Variants in TLK1 observed in about 807,000 individuals in gnomAD.
The protein encoded by TLK1 is tousled like kinase 1, also known as serine/threonine-protein kinase tousled-like 1.
In TLK1, 24 loss-of-function variants were observed where a neutral mutation model predicts 105.3. The observed-to-expected ratio is 0.23, with a 90% CI of 0.17 to 0.32. TLK1 has a LOEUF of 0.32. TLK1 is among the 10% of genes least tolerant of loss of function. The probability of loss-of-function intolerance (pLI) is 1.00; values close to 1 mark genes in which losing one functional copy is unlikely to be tolerated. For synonymous variants in TLK1, 321 were observed against 310.4 expected (o/e 1.03, Z -0.36); for missense variants, 558 against 910.5 (o/e 0.61, Z 4.98).
intron 14 of TLK1, among the ~76,000 whole-genome samples, chr2:171,007,717 T>C (rs1684712968): frequency 1.3e-5 from 2 of 152,204 alleles, no homozygotes; most frequent in South Asian, 4.1e-4. Flanking sequence ...AATACATTAT[T>C]TCTCCCAGTA....
At chr2:171,147,340 C>A (rs1468467346) in intron 1 of TLK1, among the ~76,000 whole-genome samples, 1 of 152,192 alleles carries the variant, frequency 6.6e-6, no homozygotes. Context: ...AAGAAAACAA[C>A]AGTGACAACA....
intron 2 of TLK1, among the ~76,000 whole-genome samples, chr2:171,105,262 T>C (rs199951749): frequency 6.6e-6 from 1 of 152,222 alleles, no homozygotes; most frequent in East Asian, 1.9e-4. Flanking sequence ...AAGGGATTAA[T>C]ATCCAGAATT....
chr2:171,207,624 G>A (rs185920857), intron 1 of TLK1, among the ~76,000 whole-genome samples: 12 of 152,112 alleles, frequency 7.9e-5, no homozygotes, highest in Admixed American at 7.2e-4. Context: ...GGAGATGGGG[G>A]GATATAGGAA....
At chr2:171,026,622 A>G (rs1372243558) in intron 12 of TLK1, among the ~76,000 whole-genome samples, 1 of 152,290 alleles carries the variant, frequency 6.6e-6, no homozygotes, top group East Asian at 1.9e-4. Flanking sequence ...ACTATAACTA[A>G]GTAAATAAGT....
chr2:171,067,114 C>A, intron 3 of TLK1: 10 of 741,578 alleles, frequency 1.3e-5, no homozygotes, highest in African/African-American at 1.8e-5. Context: ...CTCTGGTATA[C>A]ATACTTTTAA....
intron 2 of TLK1, among the ~76,000 whole-genome samples, chr2:171,109,687 CA>C (rs1690077419): frequency 6.6e-6 from 1 of 152,112 alleles, no homozygotes; most frequent in Non-Finnish European, 1.5e-5. Context: ...ACATTTGTAC[CA>C]AAATGTTTAT....
At chr2:171,206,342 G>T (rs1205090850) in intron 1 of TLK1, among the ~76,000 whole-genome samples, 2 of 152,198 alleles carry the variant, frequency 1.3e-5, no homozygotes, top group Admixed American at 6.5e-5. Flanking sequence ...AGAGAAAGTT[G>T]TGAAATGGTG....
chr2:171,071,950 G>A (rs979736324), intron 3 of TLK1, among the ~76,000 whole-genome samples: 9 of 152,118 alleles, frequency 5.9e-5, no homozygotes, highest in Admixed American at 3.9e-4. Context: ...GTGTTTCACT[G>A]ATCTATGTGT....
chr2:171,074,729 G>C (rs774812402), intron 3 of TLK1, among the ~76,000 whole-genome samples: 6 of 151,558 alleles, frequency 4.0e-5, no homozygotes, highest in Non-Finnish European at 8.8e-5. Flanking sequence ...CTAGCAGGAA[G>C]ATAAATAAAA....
chr2:171,047,761 T>C (rs750726315), intron 10 of TLK1, among the ~76,000 whole-genome samples: 2 of 152,198 alleles, frequency 1.3e-5, no homozygotes, highest in African/African-American at 4.8e-5. Context: ...GGAATAGATA[T>C]TAATAGCTGA....
intron 1 of TLK1, among the ~76,000 whole-genome samples, chr2:171,205,588 T>C (rs937376139): frequency 8.6e-5 from 13 of 151,734 alleles, no homozygotes; most frequent in African/African-American, 3.2e-4. Context: ...CCTCCCAAAG[T>C]GTTGGGATTA....
chr2:171,032,015 G>A (rs1686069576), intron 11 of TLK1, among the ~76,000 whole-genome samples: 1 of 152,098 alleles, frequency 6.6e-6, no homozygotes, highest in Non-Finnish European at 1.5e-5. Flanking sequence ...TTCAACCTGG[G>A]AGGCAGAGGT....
intron 3 of TLK1, among the ~76,000 whole-genome samples, chr2:171,069,134 CA>C (rs1475440327): frequency 1.3e-5 from 2 of 152,024 alleles, no homozygotes; most frequent in African/African-American, 4.8e-5. Context: ...TAAATATTTC[CA>C]AAGAGTACCA....
chr2:171,205,689 T>C (rs902370934), intron 1 of TLK1, among the ~76,000 whole-genome samples: 68 of 152,208 alleles, frequency 4.5e-4, no homozygotes, highest in African/African-American at 1.5e-3. Flanking sequence ...GATGGCCTTT[T>C]TATTGCTGTT....
upstream of TLK1, among the ~76,000 whole-genome samples, chr2:171,165,685 G>T (rs1692594458): frequency 6.6e-6 from 1 of 152,172 alleles, no homozygotes; most frequent in South Asian, 2.1e-4. Context: ...GGCCGAGGCG[G>T]GTGGATCACA....
At chr2:171,018,778 A>C (rs1184865373) in intron 12 of TLK1, among the ~76,000 whole-genome samples, 1 of 152,214 alleles carries the variant, frequency 6.6e-6, no homozygotes, top group African/African-American at 2.4e-5. Context: ...AAAGCAGAGA[A>C]AATCTAAAAG....
intron 1 of TLK1, among the ~76,000 whole-genome samples, chr2:171,138,472 G>A (rs889849237): frequency 2.6e-5 from 4 of 152,068 alleles, no homozygotes; most frequent in East Asian, 3.8e-4. Context: ...ACGAAATAAC[G>A]TAATCCCTCT....
chr2:171,175,295 A>T (rs1692800125), intron 1 of TLK1, among the ~76,000 whole-genome samples: 1 of 152,082 alleles, frequency 6.6e-6, no homozygotes. Flanking sequence ...TCAACTAAAG[A>T]TTAAAAACAT....
chr2:171,137,628 T>G (rs1691380653), intron 1 of TLK1, among the ~76,000 whole-genome samples: 1 of 152,044 alleles, frequency 6.6e-6, no homozygotes, highest in Non-Finnish European at 1.5e-5. Flanking sequence ...GTGGGCGGAT[T>G]GCCTGAGCTC....
Sources: allele counts gnomAD v4.1 joint callset (sites outside exome capture counted in the v4.1 genomes callset), GRCh38; gene constraint gnomAD v4.1.1; transcripts MANE v1.5; gene names NCBI Gene and HGNC (gene_info 2026-07-23, HGNC 2026-07-21).